The following SLC14A2 variants were observed in gnomAD, a reference collection of about 807,000 sequenced individuals.
SLC14A2 encodes solute carrier family 14 member 2.
In SLC14A2, 91 loss-of-function variants were observed where a neutral mutation model predicts 104.6. The observed-to-expected ratio is 0.87, with a 90% confidence interval of 0.73 to 1.04. The LOEUF (loss-of-function observed/expected upper bound fraction) is 1.04, where lower values mean the gene tolerates loss of function less well. SLC14A2 is among the 50% of genes least tolerant of loss of function. SLC14A2 has a pLI of 0.00. For missense variants in SLC14A2, 1,189 were observed against 1,156.0 expected, an observed-to-expected ratio of 1.03 and a Z score of -0.41; for synonymous variants, 476 against 466.4, an observed-to-expected ratio of 1.02 and a Z score of -0.27.
chr18:45,464,975 C>A (rs2087113819), intron 1 of SLC14A2, among the ~76,000 whole-genome samples: 1 of 152,092 alleles, frequency 6.6e-6, no homozygotes, highest in Non-Finnish European at 1.5e-5. Flanking sequence ...AGCCAAAATG[C>A]AGGCAGGCAG....
intron 2 of SLC14A2, among the ~76,000 whole-genome samples, chr18:45,522,394 G>T (rs1164826103): frequency 6.6e-6 from 1 of 152,182 alleles, no homozygotes; most frequent in Non-Finnish European, 1.5e-5. Context: ...CCTTGACATT[G>T]CAGACCTGGG....
chr18:45,461,145 T>TTC, intron 1 of SLC14A2, among the ~76,000 whole-genome samples: 1 of 152,316 alleles, frequency 6.6e-6, no homozygotes, highest in East Asian at 1.9e-4. Context: ...TACTCCACCT[T>TTC]TCCCATGTCC....
At chr18:45,337,196 G>C (rs1342207077) in intron 1 of SLC14A2, among the ~76,000 whole-genome samples, 2 of 152,122 alleles carry the variant, frequency 1.3e-5, no homozygotes, top group African/African-American at 4.8e-5. Context: ...AATAAATTAG[G>C]ATGGGGAATA....
chr18:45,254,670 A>G (rs754678835), intron 1 of SLC14A2, among the ~76,000 whole-genome samples: 8 of 152,056 alleles, frequency 5.3e-5, no homozygotes, highest in Non-Finnish European at 1.0e-4. Flanking sequence ...GAAATCCTCT[A>G]TTTGAATCTT....
chr18:45,567,319 C>T (rs536494054), intron 2 of SLC14A2, among the ~76,000 whole-genome samples: 2 of 152,028 alleles, frequency 1.3e-5, no homozygotes, highest in Non-Finnish European at 2.9e-5. Context: ...GAGACGCTGG[C>T]CCAGACAGAC....
At chr18:45,435,958 G>T (rs1289701704) in intron 1 of SLC14A2, among the ~76,000 whole-genome samples, 3 of 152,120 alleles carry the variant, frequency 2.0e-5, no homozygotes, top group African/African-American at 7.2e-5. Flanking sequence ...AAAGAGCACA[G>T]GACAGGGAAG....
chr18:45,191,802 GAGAAACCAGGT>G, the SLC14A2 span, among the ~76,000 whole-genome samples: 3 of 152,126 alleles, frequency 2.0e-5, no homozygotes, highest in African/African-American at 7.2e-5. Flanking sequence ...TAGTAATTGG[GAGAAACCAGGT>G]AGAAACAAGA....
chr18:45,297,534 C>T (rs2084928535), intron 1 of SLC14A2, among the ~76,000 whole-genome samples: 1 of 152,216 alleles, frequency 6.6e-6, no homozygotes, highest in Non-Finnish European at 1.5e-5. Flanking sequence ...CTAATCCCTA[C>T]TCCATTACCT....
chr18:45,553,898 G>GA (rs2044090602), intron 2 of SLC14A2, among the ~76,000 whole-genome samples: 1 of 152,088 alleles, frequency 6.6e-6, no homozygotes, highest in Non-Finnish European at 1.5e-5. Flanking sequence ...TTTGTGGAAT[G>GA]AAAAAAACGC....
chr18:45,197,445 A>G, the SLC14A2 span, among the ~76,000 whole-genome samples: 5 of 152,334 alleles, frequency 3.3e-5, no homozygotes, highest in East Asian at 7.7e-4. Flanking sequence ...ATCCAGCTCT[A>G]TAAACAAGGA....
chr18:45,212,021 A>C (rs932903323), upstream of SLC14A2, among the ~76,000 whole-genome samples: 2 of 152,368 alleles, frequency 1.3e-5, no homozygotes, highest in South Asian at 4.1e-4. Context: ...ATATTCTTTT[A>C]AATGACTCCC....
At chr18:45,330,720 C>T (rs997147500) in intron 1 of SLC14A2, among the ~76,000 whole-genome samples, 2 of 152,252 alleles carry the variant, frequency 1.3e-5, no homozygotes, top group East Asian at 1.9e-4. Context: ...CGCTGTCCCT[C>T]GGGCCATTTC....
intron 1 of SLC14A2, among the ~76,000 whole-genome samples, chr18:45,620,324 A>G (rs2045144656): frequency 6.6e-6 from 1 of 152,374 alleles, no homozygotes; most frequent in South Asian, 2.1e-4. Context: ...CTCTGCAGCA[A>G]ACTGCTCATT....
chr18:45,380,114 A>G (rs963481098), intron 1 of SLC14A2, among the ~76,000 whole-genome samples: 1 of 152,158 alleles, frequency 6.6e-6, no homozygotes, highest in African/African-American at 2.4e-5. Context: ...ATGGCACCAC[A>G]ACACTTTCTG....
intron 1 of SLC14A2, among the ~76,000 whole-genome samples, chr18:45,458,842 C>G (rs921420426): frequency 6.6e-6 from 1 of 152,184 alleles, no homozygotes; most frequent in African/African-American, 2.4e-5. Context: ...CCGGATGAAA[C>G]TTCCTCAAGA....
intron 10 of SLC14A2, among the ~76,000 whole-genome samples, chr18:45,651,965 A>G (rs2045745972): frequency 6.6e-6 from 1 of 151,856 alleles, no homozygotes; most frequent in Non-Finnish European, 1.5e-5. Context: ...CTCTGAAGGG[A>G]CTCTCTTTCT....
intron 1 of SLC14A2, among the ~76,000 whole-genome samples, chr18:45,402,469 A>G (rs1408875672): frequency 6.6e-6 from 1 of 152,170 alleles, no homozygotes; most frequent in Non-Finnish European, 1.5e-5. Context: ...TTTGCCTGAA[A>G]TTAATTGTCC....
intron 2 of SLC14A2, among the ~76,000 whole-genome samples, chr18:45,576,950 T>C (rs76800153): frequency 0.06 from 9,195 of 152,098 alleles, 304 homozygotes; most frequent in African/African-American, 0.077. Context: ...GCAAGTAGGT[T>C]TAGGATTGTC....
intron 1 of SLC14A2, among the ~76,000 whole-genome samples, chr18:45,389,901 G>A (rs1467576005): frequency 6.6e-6 from 1 of 152,208 alleles, no homozygotes; most frequent in East Asian, 1.9e-4. Context: ...CTTCGAGAAT[G>A]TAACTGTAGC....
Sources: allele counts gnomAD v4.1 joint callset (sites outside exome capture counted in the v4.1 genomes callset), GRCh38; gene constraint gnomAD v4.1.1; transcripts MANE v1.5; gene names NCBI Gene and HGNC (gene_info 2026-07-23, HGNC 2026-07-21).